DOCK3: variants seen among roughly 807,000 people sequenced by gnomAD.
DOCK3 encodes dedicator of cytokinesis protein 3.
A neutral mutation model predicts 265.6 loss-of-function variants in DOCK3; 60 were observed. The observed-to-expected ratio is 0.23, with a 90% CI of 0.18 to 0.28. The LOEUF (loss-of-function observed/expected upper bound fraction) is 0.28, where lower values mean the gene tolerates loss of function less well. DOCK3 is among the 10% of genes least tolerant of loss of function. The probability of loss-of-function intolerance (pLI) is 1.00; values close to 1 mark genes in which losing one functional copy is unlikely to be tolerated. For missense variants in DOCK3, 1,981 were observed against 2,594.3 expected, an observed-to-expected ratio of 0.76 and a Z score of 5.14; for synonymous variants, 881 against 938.0, an observed-to-expected ratio of 0.94 and a Z score of 1.11.
intron 3 of DOCK3, among the ~76,000 whole-genome samples, chr3:50,874,304 C>T (rs1239910864): frequency 6.6e-6 from 1 of 151,590 alleles, no homozygotes; most frequent in Non-Finnish European, 1.5e-5. Context: ...AAGTTCGAGA[C>T]CAGCCTAAGC....
At chr3:51,375,893 CTT>C (rs2088084379) in intron 51 of DOCK3, 58 bp downstream of exon 51, 1 of 1,582,434 alleles carries the variant, frequency 6.3e-7, no homozygotes, top group East Asian at 2.2e-5. Flanking sequence ...GTGTCTGACT[CTT>C]GTCCCTGAGT....
At chr3:50,785,242 G>A (rs2108560393) in intron 2 of DOCK3, among the ~76,000 whole-genome samples, 2 of 152,234 alleles carry the variant, frequency 1.3e-5, no homozygotes, top group South Asian at 4.1e-4. Flanking sequence ...GGTTTTTTAG[G>A]TATATGATCA....
intron 41 of DOCK3, 67 bp from the exon 42 acceptor site, chr3:51,356,022 A>C (rs968253997): frequency 1.1e-5 from 17 of 1,595,894 alleles, no homozygotes; most frequent in Non-Finnish European, 1.3e-5. Context: ...CTTTGAGGAG[A>C]TGACAGGGGT....
At chr3:50,778,628 T>A in intron 1 of DOCK3, 47 bp from the exon 2 acceptor site, 1 of 1,412,234 alleles carries the variant, frequency 7.1e-7, no homozygotes, top group Non-Finnish European at 9.8e-7. Flanking sequence ...TGACCATGTC[T>A]CAGTGTTTAA....
intron 10 of DOCK3, among the ~76,000 whole-genome samples, chr3:51,155,701 G>A (rs1265494172): frequency 6.6e-6 from 1 of 152,114 alleles, no homozygotes; most frequent in African/African-American, 2.4e-5. Context: ...AGATTTTAGG[G>A]TTTCCTACCA....
intron 1 of DOCK3, among the ~76,000 whole-genome samples, chr3:50,750,519 G>A (rs961989968): frequency 2.0e-5 from 3 of 151,908 alleles, no homozygotes; most frequent in Non-Finnish European, 4.4e-5. Flanking sequence ...TAGTAGAGAC[G>A]GGGTTTCACC....
At chr3:50,682,829 C>T (rs2034508584) in intron 1 of DOCK3, among the ~76,000 whole-genome samples, 1 of 152,182 alleles carries the variant, frequency 6.6e-6, no homozygotes, top group Non-Finnish European at 1.5e-5. Context: ...ATTCCAGCTG[C>T]TCGGAAGGCT....
rs919044582 is a variant in DOCK3 at position 51,228,688 on chromosome 3, C to G, written c.1675C>G (p.His559Asp). The change falls in exon 18 of 53, where the codon CAT becomes GAT. Residue 559 changes from histidine (H) to aspartate (D), a missense_variant. Coordinates refer to ENST00000266037, the MANE Select transcript of DOCK3 (RefSeq NM_004947.5). ...TGATGAGAATAGCACGTTTAATAAC[C>G]ATGCTCTGTACCTGGGCCTGCCCTG... ...KCDENSTFNNHALYLGLPCCK... is the reference protein window; with the variant it reads ...KCDENSTFNNDALYLGLPCCK... 11 of 1,613,812 alleles carry G rather than the reference C, an allele frequency of 6.8e-6. No individual in the cohort carries two copies. The highest frequency in any genetic ancestry group is 8.5e-6 in the Non-Finnish European group (10 of 1,179,836).
intron 4 of DOCK3, among the ~76,000 whole-genome samples, chr3:50,918,672 A>T (rs1349045804): frequency 6.6e-6 from 1 of 152,168 alleles, no homozygotes; most frequent in African/African-American, 2.4e-5. Context: ...GATTTGTCAG[A>T]TGGGTAGATT....
intron 1 of DOCK3, among the ~76,000 whole-genome samples, chr3:50,719,124 C>A (rs1274110262): frequency 2.0e-5 from 3 of 151,972 alleles, no homozygotes; most frequent in Admixed American, 2.0e-4. Flanking sequence ...AAATATCAGT[C>A]ATTATCTTTG....
chr3:51,381,388 G>A lies in DOCK3; in HGVS notation c.5922G>A (p.Pro1974=), dbSNP rs782340895. 3.1e-6 allele frequency: 5 copies of A among 1,612,512 alleles called. No homozygotes were observed. The highest frequency in any genetic ancestry group is 1.1e-5 in the South Asian group (1 of 91,040). The part of the protein sequence containing the change: ...PQDPMDPPAL[P]PKPYHPRLPA... ...ACCCCATGGACCCGCCTGCGCTGCCGCCCAAGCCCTACCACCCCCGCCTGC... is the reference window on the plus strand; with the variant it reads ...ACCCCATGGACCCGCCTGCGCTGCCACCCAAGCCCTACCACCCCCGCCTGC... The change falls in exon 53 of 53, where the codon CCG becomes CCA. Residue 1974 remains proline, a synonymous_variant. Transcript: ENST00000266037. This position sits in a 1 kb window ranked among gnomAD's most constrained non-coding sequence, Gnocchi z 5.6.
intron 5 of DOCK3, among the ~76,000 whole-genome samples, chr3:51,045,788 G>A (rs941480874): frequency 1.3e-5 from 2 of 152,032 alleles, no homozygotes; most frequent in Non-Finnish European, 2.9e-5. Context: ...ATTGAAATTA[G>A]GGATTAATTT....
chr3:51,300,052 A>G (rs1487586304), intron 27 of DOCK3, among the ~76,000 whole-genome samples: 2 of 152,136 alleles, frequency 1.3e-5, no homozygotes, highest in African/African-American at 4.8e-5. Flanking sequence ...TGAGCATGGG[A>G]TGTTTTTCCA....
At chr3:50,923,128 C>CAT (rs1056877172) in intron 4 of DOCK3, among the ~76,000 whole-genome samples, 6 of 151,992 alleles carry the variant, frequency 3.9e-5, no homozygotes, top group Admixed American at 2.0e-4. Flanking sequence ...AGTCTTCCAT[C>CAT]ATATATATAT....
intron 3 of DOCK3, among the ~76,000 whole-genome samples, chr3:50,882,094 A>C (rs1438239454): frequency 6.6e-6 from 1 of 152,164 alleles, no homozygotes; most frequent in Non-Finnish European, 1.5e-5. Context: ...TCCCTTCCTT[A>C]CACCTTTTAC....
intron 3 of DOCK3, among the ~76,000 whole-genome samples, chr3:50,856,263 T>G (rs541532886): frequency 6.6e-6 from 1 of 152,362 alleles, no homozygotes; most frequent in South Asian, 2.1e-4. Flanking sequence ...ATCACCACAC[T>G]GTCTTCACAA....
chr3:50,941,269 A>T (rs1040415202), intron 5 of DOCK3, among the ~76,000 whole-genome samples: 1 of 152,182 alleles, frequency 6.6e-6, no homozygotes, highest in Non-Finnish European at 1.5e-5. Context: ...ATACTTGAAT[A>T]GGGACAAGGA....
At chr3:50,948,629 C>A (rs2076507346) in intron 5 of DOCK3, among the ~76,000 whole-genome samples, 2 of 149,740 alleles carry the variant, frequency 1.3e-5, no homozygotes, top group East Asian at 3.9e-4. Flanking sequence ...CTTTTCTTTT[C>A]TTTCCTCTTT....
chr3:50,916,399 C>T (rs1318847360), intron 4 of DOCK3, among the ~76,000 whole-genome samples: 1 of 151,974 alleles, frequency 6.6e-6, no homozygotes, highest in South Asian at 2.1e-4. Flanking sequence ...TCCAGCTGAG[C>T]CCAGTTGGGA....
Sources: allele counts gnomAD v4.1 joint callset (sites outside exome capture counted in the v4.1 genomes callset), GRCh38; gene constraint gnomAD v4.1.1; non-coding constraint Gnocchi (gnomAD v3.1); transcripts MANE v1.5; gene names NCBI Gene and HGNC (gene_info 2026-07-23, HGNC 2026-07-21).